The following TEX11 variants were observed in gnomAD, a reference collection of about 807,000 sequenced individuals.
TEX11 encodes the protein testis expressed 11.
Under a neutral mutation model 84.4 loss-of-function variants are expected in TEX11, and 7 were observed. The ratio of observed to expected loss-of-function variants is 0.08; its 90% CI spans 0.05 to 0.16. TEX11 has a LOEUF of 0.16. TEX11 is among the 10% of genes least tolerant of loss of function. The probability of loss-of-function intolerance (pLI) is 1.00; values close to 1 mark genes in which losing one functional copy is unlikely to be tolerated. For synonymous variants in TEX11, 264 were observed against 222.8 expected (o/e 1.18, Z -1.64); for missense variants, 551 against 660.5 (o/e 0.83, Z 1.82).
At chrX:70,684,913 T>C (rs60455884) in intron 13 of TEX11, among the ~76,000 whole-genome samples, 11 of 111,704 alleles carry the variant, frequency 9.8e-5, no homozygotes, top group African/African-American at 3.6e-4. Context: ...TACAAAGCTA[T>C]AGTAATCAAA....
chrX:70,513,661 C>T, the TEX11 span, among the ~76,000 whole-genome samples: 1 of 105,869 alleles, frequency 9.4e-6, no homozygotes, highest in Admixed American at 1.0e-4. Context: ...GGGGTGATCC[C>T]CTAGAGATGG....
chrX:70,740,651 A>G (rs1022828919), intron 11 of TEX11, 50 bp downstream of exon 11: 1 of 921,675 alleles, frequency 1.1e-6, no homozygotes, highest in Non-Finnish European at 1.5e-6. Flanking sequence ...AATGTGATCA[A>G]GACTTCAAAA....
At chrX:70,760,835 G>C (rs990385751) in intron 9 of TEX11, among the ~76,000 whole-genome samples, 1 of 111,531 alleles carries the variant, frequency 9.0e-6, no homozygotes, top group African/African-American at 3.3e-5. Context: ...CTACAGAATG[G>C]GAGAAAATTT....
chrX:70,794,216 G>T (rs2091142094), intron 9 of TEX11, among the ~76,000 whole-genome samples: 2 of 111,560 alleles, frequency 1.8e-5, no homozygotes, highest in Admixed American at 1.9e-4. Flanking sequence ...CAATGATTGT[G>T]AGACTCTGCA....
intron 25 of TEX11, among the ~76,000 whole-genome samples, chrX:70,575,963 T>C (rs1408047344): frequency 8.9e-6 from 1 of 112,297 alleles, no homozygotes; most frequent in African/African-American, 3.2e-5. Context: ...CTTATATATG[T>C]ATAATTGATT....
chrX:70,565,064 C>G (rs2088441467), intron 25 of TEX11, among the ~76,000 whole-genome samples: 1 of 106,142 alleles, frequency 9.4e-6, no homozygotes, highest in African/African-American at 3.4e-5. Context: ...TCTCCAGCAC[C>G]TGTTGTTTCC....
At chrX:70,774,925 C>A (rs918723852) in intron 9 of TEX11, among the ~76,000 whole-genome samples, 2 of 111,660 alleles carry the variant, frequency 1.8e-5, no homozygotes, top group African/African-American at 6.5e-5. Flanking sequence ...ACAAAGCTGG[C>A]AGCATCATAT....
chrX:70,758,931 G>A (rs1420716934), intron 9 of TEX11, among the ~76,000 whole-genome samples: 2 of 111,091 alleles, frequency 1.8e-5, no homozygotes, highest in African/African-American at 3.3e-5. Flanking sequence ...ATGATAAAGG[G>A]GACATCACCA....
intron 13 of TEX11, among the ~76,000 whole-genome samples, chrX:70,709,580 C>A (rs957970346): frequency 9.0e-6 from 1 of 111,045 alleles, no homozygotes. Context: ...GGAGGTAAAT[C>A]ATTTTATTTG....
At chrX:70,672,408 G>C (rs1361012704) in intron 15 of TEX11, among the ~76,000 whole-genome samples, 1 of 111,992 alleles carries the variant, frequency 8.9e-6, no homozygotes, top group African/African-American at 3.2e-5. Flanking sequence ...ATAGGGGCAA[G>C]TTTAACATTT....
chrX:70,792,462 A>G (rs1300235731), intron 9 of TEX11, among the ~76,000 whole-genome samples: 1 of 98,365 alleles, frequency 1.0e-5, no homozygotes, highest in Non-Finnish European at 2.1e-5. Context: ...AAAATTAACA[A>G]TGTAACATCA....
At chrX:70,660,335 C>T (rs1218189977) in intron 16 of TEX11, among the ~76,000 whole-genome samples, 1 of 112,122 alleles carries the variant, frequency 8.9e-6, no homozygotes, top group East Asian at 2.8e-4. Context: ...AACTTTTTAA[C>T]TTTATAAACT....
At chrX:70,761,045 C>G (rs752338830) in intron 9 of TEX11, among the ~76,000 whole-genome samples, 6 of 111,917 alleles carry the variant, frequency 5.4e-5, no homozygotes, top group Admixed American at 9.5e-5. Context: ...AAATGCAAAT[C>G]GAAACCACAA....
chrX:70,848,937 A>C (rs1356246396), intron 7 of TEX11, among the ~76,000 whole-genome samples: 2 of 111,878 alleles, frequency 1.8e-5, no homozygotes, highest in Non-Finnish European at 3.8e-5. Context: ...GATGATGCAC[A>C]CTGCAGAAAG....
intron 13 of TEX11, among the ~76,000 whole-genome samples, chrX:70,683,075 TA>T (rs2090159541): frequency 9.0e-6 from 1 of 111,567 alleles, no homozygotes; most frequent in Admixed American, 9.5e-5. Context: ...TCCTAATATC[TA>T]ATTTATGTTT....
intron 9 of TEX11, among the ~76,000 whole-genome samples, chrX:70,787,809 TA>T (rs1220819798): frequency 9.0e-6 from 1 of 111,018 alleles, no homozygotes; most frequent in Non-Finnish European, 1.9e-5. Context: ...TAAGAATGAA[TA>T]AAAAAATACA....
chrX:70,671,910 T>TATATATATATATGTATATAG (rs57166359), intron 15 of TEX11, among the ~76,000 whole-genome samples: 1 of 67,983 alleles, frequency 1.5e-5, no homozygotes, highest in East Asian at 5.9e-4. Flanking sequence ...TATATATATA[T>TATATATATATATGTATATAG]ACACACACAC....
Position 70,553,276 on chromosome X carries a change from T to C in TEX11, c.2399+30A>G, listed in dbSNP as rs753013463. Reference sequence around the variant, plus strand: ...AGGCATTGACTATAGTTCTTTTGGCTAGCAAAAAGGCTGGATTGTATTTAC... The same window carrying C: ...AGGCATTGACTATAGTTCTTTTGGCCAGCAAAAAGGCTGGATTGTATTTAC... On this transcript the variant is annotated intron_variant, in intron 27 of 29. Transcript: ENST00000374333. 4 of 1,045,447 alleles carry C rather than the reference T, an allele frequency of 3.8e-6. No individual in the cohort carries two copies. In the African/African-American group the frequency reaches 5.6e-5, roughly 15 times the overall value. 86.2% of individuals were successfully genotyped at this position (1,045,447 alleles called of 1,213,427 possible).
intron 13 of TEX11, among the ~76,000 whole-genome samples, chrX:70,714,535 A>G (rs921763832): frequency 9.0e-6 from 1 of 111,574 alleles, no homozygotes; most frequent in African/African-American, 3.3e-5. Flanking sequence ...TGATCCCTTT[A>G]CCATTATGTA....
Sources: gnomAD v4.1 joint callset for allele counts (sites outside exome capture counted in the v4.1 genomes callset) on GRCh38, gnomAD v4.1.1 for gene constraint, MANE v1.5 for transcripts, NCBI Gene and HGNC (gene_info 2026-07-23, HGNC 2026-07-21) for gene names.